Variants in RAB3C observed in about 807,000 individuals in gnomAD.
RAB3C encodes the protein ras-related protein Rab-3C.
A neutral mutation model predicts 26.4 loss-of-function variants in RAB3C; 17 were observed. The ratio of observed to expected loss-of-function variants is 0.64; its 90% CI spans 0.44 to 0.97. RAB3C has a LOEUF of 0.97. Among genes scored for constraint, RAB3C ranks in the 50% least tolerant of loss-of-function variants. RAB3C has a pLI of 0.00. For missense variants in RAB3C, 242 were observed against 281.9 expected, an observed-to-expected ratio of 0.86 and a Z score of 1.01; for synonymous variants, 91 against 95.9, an observed-to-expected ratio of 0.95 and a Z score of 0.30.
At chr5:58,671,631 A>G (rs780662438) in intron 2 of RAB3C, among the ~76,000 whole-genome samples, 3 of 152,202 alleles carry the variant, frequency 2.0e-5, no homozygotes, top group Admixed American at 6.5e-5. Flanking sequence ...CCATGTCTCC[A>G]TATCAGCTTT....
At chr5:58,633,256 T>G (rs1306280341) in intron 2 of RAB3C, among the ~76,000 whole-genome samples, 1 of 152,142 alleles carries the variant, frequency 6.6e-6, no homozygotes, top group African/African-American at 2.4e-5. Context: ...ACAACATCTT[T>G]TAGAATGAGG....
intron 3 of RAB3C, among the ~76,000 whole-genome samples, chr5:58,735,820 G>T (rs976423643): frequency 2.0e-5 from 3 of 152,140 alleles, no homozygotes; most frequent in African/African-American, 7.2e-5. Context: ...TCTTTTGCAA[G>T]GTAAGCAGTC....
At chr5:58,769,047 T>C (rs1302858768) in intron 3 of RAB3C, among the ~76,000 whole-genome samples, 2 of 151,668 alleles carry the variant, frequency 1.3e-5, no homozygotes, top group African/African-American at 4.8e-5. Flanking sequence ...TCAGGCTACA[T>C]ATTGAAAGTA....
chr5:58,837,555 C>CTGT (rs1244170261), intron 4 of RAB3C, among the ~76,000 whole-genome samples: 1 of 113,450 alleles, frequency 8.8e-6, no homozygotes, highest in Non-Finnish European at 1.9e-5. Flanking sequence ...GTTTCAGTCT[C>CTGT]TCTTTTTTTT....
chr5:58,804,788 A>G (rs1338702197), intron 3 of RAB3C, among the ~76,000 whole-genome samples: 1 of 152,112 alleles, frequency 6.6e-6, no homozygotes, highest in Middle Eastern at 3.2e-3. Context: ...AAGAACACCC[A>G]CATATAGGAA....
At chr5:58,755,124 C>T (rs1028902052) in intron 3 of RAB3C, among the ~76,000 whole-genome samples, 4 of 152,166 alleles carry the variant, frequency 2.6e-5, no homozygotes, top group African/African-American at 7.2e-5. Flanking sequence ...AGGCTTGTAA[C>T]GAAGAGGGCT....
intron 1 of RAB3C, 37 bp downstream of exon 1, chr5:58,583,269 T>C: frequency 6.2e-7 from 1 of 1,613,702 alleles, no homozygotes; most frequent in Non-Finnish European, 8.5e-7. Context: ...CGGGAGGAAT[T>C]GAAAGAGATG....
At chr5:58,657,384 A>G (rs1449060544) in intron 2 of RAB3C, among the ~76,000 whole-genome samples, 3 of 142,378 alleles carry the variant, frequency 2.1e-5, no homozygotes, top group Admixed American at 2.1e-4. Context: ...CCAATAATTT[A>G]TAGAAAAAAA....
chr5:58,747,616 G>A (rs1035353196), intron 3 of RAB3C, among the ~76,000 whole-genome samples: 4 of 151,882 alleles, frequency 2.6e-5, no homozygotes, highest in Non-Finnish European at 4.4e-5. Context: ...CAAAGGCTGT[G>A]GTGAGAAACT....
At chr5:58,607,019 G>A (rs1014330177) in intron 1 of RAB3C, among the ~76,000 whole-genome samples, 13 of 152,134 alleles carry the variant, frequency 8.5e-5, no homozygotes, top group Non-Finnish European at 1.3e-4. Flanking sequence ...CCAAAAGATC[G>A]CAGCTCCTTG....
At chr5:58,715,795 AG>A (rs1474288171) in intron 2 of RAB3C, among the ~76,000 whole-genome samples, 1 of 152,136 alleles carries the variant, frequency 6.6e-6, no homozygotes, top group African/African-American at 2.4e-5. Context: ...CACCATGAAG[AG>A]GTGAGCAGAA....
intron 2 of RAB3C, among the ~76,000 whole-genome samples, chr5:58,652,702 A>G (rs949577129): frequency 8.8e-5 from 1 of 11,364 alleles, no homozygotes; most frequent in Non-Finnish European, 2.6e-4. Flanking sequence ...TGATAAAGGA[A>G]AAAAAAAAAA....
intron 3 of RAB3C, among the ~76,000 whole-genome samples, chr5:58,784,475 C>T (rs1489653674): frequency 6.6e-6 from 1 of 152,110 alleles, no homozygotes; most frequent in African/African-American, 2.4e-5. Context: ...ATGGGTCCCT[C>T]CTATGACACG....
chr5:58,699,612 G>T (rs1748797268), intron 2 of RAB3C, among the ~76,000 whole-genome samples: 1 of 152,198 alleles, frequency 6.6e-6, no homozygotes, highest in Non-Finnish European at 1.5e-5. Flanking sequence ...GAGCTAAGGT[G>T]GGCTCCACCC....
chr5:58,765,273 T>A (rs1003175254), intron 3 of RAB3C, among the ~76,000 whole-genome samples: 5 of 152,170 alleles, frequency 3.3e-5, no homozygotes, highest in Admixed American at 6.5e-5. Flanking sequence ...AAAATTGAGC[T>A]ATGACTGGCC....
intron 3 of RAB3C, among the ~76,000 whole-genome samples, chr5:58,818,218 C>A (rs906425354): frequency 2.6e-5 from 4 of 152,106 alleles, no homozygotes; most frequent in Non-Finnish European, 5.9e-5. Context: ...ACTTACACAC[C>A]CAGAACAGGA....
intron 2 of RAB3C, among the ~76,000 whole-genome samples, chr5:58,660,808 GA>G (rs1747889231): frequency 6.7e-6 from 1 of 150,060 alleles, no homozygotes; most frequent in Non-Finnish European, 1.5e-5. Context: ...TAATCATAAG[GA>G]AAAAAGAGAG....
At chr5:58,776,459 A>G (rs112097606) in intron 3 of RAB3C, among the ~76,000 whole-genome samples, 3,864 of 152,190 alleles carry the variant, frequency 0.025, 163 homozygotes, top group African/African-American at 0.085. Context: ...CCGAGGTCTT[A>G]CAACAAAGCT....
chr5:58,767,429 T>C (rs1741929686), intron 3 of RAB3C, among the ~76,000 whole-genome samples: 1 of 152,224 alleles, frequency 6.6e-6, no homozygotes, highest in South Asian at 2.1e-4. Flanking sequence ...TAAATATTTA[T>C]TGAGCACCTG....
Sources: allele counts gnomAD v4.1 joint callset (sites outside exome capture counted in the v4.1 genomes callset), GRCh38; gene constraint gnomAD v4.1.1; transcripts MANE v1.5; gene names NCBI Gene and HGNC (gene_info 2026-07-23, HGNC 2026-07-21).